Variants in DCC observed in about 807,000 individuals in gnomAD.
DCC encodes netrin receptor DCC.
In DCC, 58 loss-of-function variants were observed where a neutral mutation model predicts 172.5. The ratio of observed to expected loss-of-function variants is 0.34; its 90% CI spans 0.27 to 0.42. The LOEUF is 0.42. Among genes scored for constraint, DCC ranks in the 10% least tolerant of loss-of-function variants. The pLI is 1.00. For missense variants in DCC, 1,740 were observed against 1,791.0 expected (o/e 0.97, Z 0.51); for synonymous variants, 709 against 644.5 (o/e 1.10, Z -1.52).
At chr18:52,800,716 A>C (rs2037969004) in intron 2 of DCC, among the ~76,000 whole-genome samples, 1 of 152,210 alleles carries the variant, frequency 6.6e-6, no homozygotes, top group South Asian at 2.1e-4. Flanking sequence ...TGTTTTCATA[A>C]GTACAATTGG....
chr18:52,881,507 C>T (rs115566952), intron 2 of DCC, among the ~76,000 whole-genome samples: 1 of 152,052 alleles, frequency 6.6e-6, no homozygotes, highest in Non-Finnish European at 1.5e-5. Context: ...GTCTTTAATC[C>T]ATTTTGATTT....
At chr18:53,241,023 A>G (rs1368260412) in intron 12 of DCC, among the ~76,000 whole-genome samples, 3 of 152,172 alleles carry the variant, frequency 2.0e-5, no homozygotes, top group African/African-American at 2.4e-5. Context: ...CAGCAATATT[A>G]CTTACCTTCT....
chr18:53,396,507 G>C (rs933948864), intron 17 of DCC, among the ~76,000 whole-genome samples: 2 of 152,140 alleles, frequency 1.3e-5, no homozygotes, highest in Non-Finnish European at 2.9e-5. Flanking sequence ...AAACACCAAT[G>C]TAATCCTTTA....
chr18:53,127,601 T>C (rs1251868437), intron 7 of DCC, among the ~76,000 whole-genome samples: 18 of 152,286 alleles, frequency 1.2e-4, no homozygotes, highest in African/African-American at 4.3e-4. Flanking sequence ...GATCTGTTTA[T>C]GTTTGGCAGA....
At chr18:53,201,751 C>G (rs2055540675) in intron 9 of DCC, among the ~76,000 whole-genome samples, 1 of 152,094 alleles carries the variant, frequency 6.6e-6, no homozygotes, top group South Asian at 2.1e-4. Flanking sequence ...CCTCGTTGTT[C>G]AACTTTTTCT....
At chr18:52,901,499 C>T (rs2039808333) in intron 2 of DCC, among the ~76,000 whole-genome samples, 1 of 151,946 alleles carries the variant, frequency 6.6e-6, no homozygotes, top group East Asian at 1.9e-4. Flanking sequence ...GAGTTTGGTA[C>T]CAGTTCCATC....
Position 52,517,360 on chromosome 18 carries a change from T to C in DCC, c.91+176482T>C, listed in dbSNP as rs936834815. On this transcript the variant is annotated intron_variant, in intron 1 of 28. Coordinates refer to ENST00000442544, the MANE Select transcript of DCC (RefSeq NM_005215.4). ...CCATGTGTGGATCAAAAAGACTTGA[T>C]ACACTGCATTGCAGGTAGAAAGGAC... Among the ~76,000 whole-genome samples, 11 of 152,280 alleles carry C rather than the reference T, an allele frequency of 7.2e-5. No individual in the cohort carries two copies. The South Asian group carries it at 2.3e-3, about 32-fold the overall frequency.
intron 5 of DCC, among the ~76,000 whole-genome samples, chr18:53,014,536 A>G (rs933873614): frequency 7.0e-6 from 1 of 143,188 alleles, no homozygotes; most frequent in Admixed American, 7.4e-5. Context: ...GAGAACATGC[A>G]GTGTTTGGTT....
intron 1 of DCC, among the ~76,000 whole-genome samples, chr18:52,530,632 G>T (rs948710919): frequency 6.6e-6 from 1 of 152,044 alleles, no homozygotes; most frequent in African/African-American, 2.4e-5. Context: ...TGTACTTCAA[G>T]AATTAAAAAT....
chr18:53,422,834 C>T (rs1910707030), intron 21 of DCC, among the ~76,000 whole-genome samples: 1 of 152,074 alleles, frequency 6.6e-6, no homozygotes, highest in Admixed American at 6.6e-5. Context: ...AAATTAAAAC[C>T]TCTTCTTACC....
intron 1 of DCC, among the ~76,000 whole-genome samples, chr18:52,470,357 A>G (rs921736): frequency 6.6e-6 from 1 of 152,066 alleles, no homozygotes; most frequent in African/African-American, 2.4e-5. Flanking sequence ...TAAAGAAGAG[A>G]TATGCATTGT....
At chr18:52,657,961 A>G (rs1248937761) in intron 1 of DCC, among the ~76,000 whole-genome samples, 3 of 152,186 alleles carry the variant, frequency 2.0e-5, no homozygotes, top group Non-Finnish European at 2.9e-5. Flanking sequence ...TCATCTCATA[A>G]TTCTACACTT....
intron 2 of DCC, among the ~76,000 whole-genome samples, chr18:52,784,588 T>C (rs545534890): frequency 1.4e-5 from 2 of 144,288 alleles, no homozygotes; most frequent in South Asian, 2.3e-4. Context: ...TTATTTTTTG[T>C]CTTTTTGTTA....
At chr18:53,519,246 C>A (rs2046372964) in intron 27 of DCC, among the ~76,000 whole-genome samples, 1 of 152,092 alleles carries the variant, frequency 6.6e-6, no homozygotes, top group Non-Finnish European at 1.5e-5. Flanking sequence ...GAGCCAAGGT[C>A]ACAAAACTAG....
intron 1 of DCC, among the ~76,000 whole-genome samples, chr18:52,491,494 T>A (rs1002108275): frequency 2.0e-5 from 3 of 152,064 alleles, no homozygotes; most frequent in African/African-American, 7.2e-5. Flanking sequence ...AAGGTCAGTA[T>A]GTTTATTTTA....
chr18:53,504,886 C>T (rs2046151049), intron 27 of DCC, among the ~76,000 whole-genome samples: 1 of 152,052 alleles, frequency 6.6e-6, no homozygotes, highest in Non-Finnish European at 1.5e-5. Context: ...AGGTGACAGC[C>T]AAATGTAAAG....
intron 2 of DCC, among the ~76,000 whole-genome samples, chr18:52,805,325 A>G (rs2038066179): frequency 1.3e-5 from 2 of 152,258 alleles, no homozygotes; most frequent in Admixed American, 1.3e-4. Flanking sequence ...CTTTGTCAGA[A>G]TATCTTCATA....
At chr18:52,600,441 A>T (rs1468076807) in intron 1 of DCC, among the ~76,000 whole-genome samples, 1 of 152,286 alleles carries the variant, frequency 6.6e-6, no homozygotes, top group Middle Eastern at 3.4e-3. Flanking sequence ...GGGCAAGAAA[A>T]CACACCTAAC....
At chr18:52,705,953 T>C (rs904595431) in intron 1 of DCC, among the ~76,000 whole-genome samples, 3 of 152,216 alleles carry the variant, frequency 2.0e-5, no homozygotes, top group African/African-American at 7.2e-5. Flanking sequence ...AAATTCATTA[T>C]GTTAACAAAG....
Sources: allele counts gnomAD v4.1 joint callset (sites outside exome capture counted in the v4.1 genomes callset), GRCh38; gene constraint gnomAD v4.1.1; transcripts MANE v1.5; gene names NCBI Gene and HGNC (gene_info 2026-07-23, HGNC 2026-07-21).